CAPN7: variants seen among roughly 807,000 people sequenced by gnomAD.
CAPN7 encodes the protein calpain 7.
A neutral mutation model predicts 115.2 loss-of-function variants in CAPN7; 72 were observed. The ratio of observed to expected loss-of-function variants is 0.63; its 90% CI spans 0.52 to 0.76. The LOEUF (loss-of-function observed/expected upper bound fraction) is 0.76. CAPN7 is among the 30% of genes least tolerant of loss of function. The pLI is 0.00. For missense variants in CAPN7, 905 were observed against 971.5 expected (o/e 0.93, Z 0.91); for synonymous variants, 344 against 322.3 (o/e 1.07, Z -0.72).
In CAPN7 at chr3:15,222,799, C is replaced by T. The variant is rs191082686; in HGVS notation, c.639-676C>T. Among the ~76,000 whole-genome samples, 7 of 152,222 alleles carry T rather than the reference C, an allele frequency of 4.6e-5. No individual in the cohort carries two copies. The East Asian group carries it at 9.6e-4, about 21-fold the overall frequency. The stretch of plus-strand genomic sequence containing the variant: ...TTCCAAAATAAGGCTGTACATAGTC[C>T]CAACAATCATTTCATCTATTCCTGA... On this transcript the variant is annotated intron_variant, in intron 5 of 20. Coordinates refer to ENST00000253693, the MANE Select transcript of CAPN7 (RefSeq NM_014296.3).
intron 2 of CAPN7, among the ~76,000 whole-genome samples, chr3:15,212,834 C>G (rs2045033399): frequency 6.6e-6 from 1 of 152,076 alleles, no homozygotes; most frequent in East Asian, 1.9e-4. Context: ...TGTAGGGATT[C>G]TTTTTAACCC....
chr3:15,234,965 T>G, intron 11 of CAPN7, 60 bp from the exon 12 acceptor site: 3 of 1,485,948 alleles, frequency 2.0e-6, no homozygotes, highest in Non-Finnish European at 2.7e-6. Flanking sequence ...GATAAAATGG[T>G]GTGATCTTAG....
intron 1 of CAPN7, among the ~76,000 whole-genome samples, chr3:15,207,338 A>G (rs930759617): frequency 1.3e-5 from 2 of 152,244 alleles, no homozygotes; most frequent in Non-Finnish European, 2.9e-5. Flanking sequence ...ACTTACCCAC[A>G]AAAGGAGCTT....
intron 4 of CAPN7, among the ~76,000 whole-genome samples, chr3:15,218,824 C>G (rs1693793919): frequency 6.6e-6 from 1 of 152,198 alleles, no homozygotes; most frequent in African/African-American, 2.4e-5. Flanking sequence ...TAATATCAGA[C>G]TTTCAAAGAG....
chr3:15,234,746 C>A (rs563352135), intron 11 of CAPN7, among the ~76,000 whole-genome samples: 3 of 152,094 alleles, frequency 2.0e-5, no homozygotes, highest in Non-Finnish European at 2.9e-5. Context: ...TGGTATTTCA[C>A]GTCTTTATTT....
Position 15,247,398 on chromosome 3 carries a change from C to T in CAPN7, c.2145C>T (p.Pro715=), listed in dbSNP as rs1465457980. The change falls in exon 19 of 21, where the codon CCC becomes CCT. Residue 715 remains proline, a synonymous_variant. Transcript: ENST00000253693. The part of the protein sequence containing the change: ...GNFQETHKNN[P]IYQFHIEKTG... ...TCCAAGAGACTCACAAAAATAACCC[C>T]ATCTACCAATTCCATATAGAAAAGA... 2 of 1,611,690 alleles carry T rather than the reference C, an allele frequency of 1.2e-6. No individual in the cohort carries two copies. The highest frequency in any genetic ancestry group is 1.1e-5 in the South Asian group (1 of 90,828).
At position 15,227,963 on chromosome 3, in the gene CAPN7, C is replaced by G; in HGVS notation, c.850C>G (p.Gln284Glu). 7.0e-7 allele frequency: 1 copy of G among 1,436,354 alleles called. No individual in the cohort carries two copies. The highest frequency in any genetic ancestry group is 9.2e-7 in the Non-Finnish European group (1 of 1,090,446). 89.0% of individuals were successfully genotyped at this position (1,436,354 alleles called of 1,614,324 possible). A position where few individuals can be genotyped will look rare whatever the true frequency, so the allele number is the denominator to read the frequency against. ...IYTVSSFSIK[Q>E]TIVSDCSFVA... ...TACTGTGTCCAGTTTTAGCATAAAG[C>G]AGGTGAGCATTTATTTTGTATGATT... is the stretch of plus-strand genomic sequence containing the variant. The change falls in exon 7 of 21, where the codon CAG becomes GAG. Residue 284 changes from glutamine to glutamate, a missense_variant and splice_region_variant. Gln to Glu is a conservative substitution (Grantham distance 29, BLOSUM62 2). Transcript: ENST00000253693.
At position 15,206,503 on chromosome 3, in the gene CAPN7, C is replaced by T. The variant is rs989768901; in HGVS notation, c.8C>T (p.Ala3Val). ...GCGCGGGGCCACTGCGCCATGGACG[C>T]CACAGCACTGGAGCGGGACGCTGTG... MD[A>V]TALERDAVQF... The change falls in exon 1 of 21, where the codon GCC becomes GTC. Residue 3 changes from alanine to valine, a missense_variant. By Grantham distance (64) the Ala-to-Val change is moderately conservative. Transcript: ENST00000253693. 2.6e-6 allele frequency: 4 copies of T among 1,549,472 alleles called. No homozygotes were observed. Among genetic ancestry groups the T allele is most frequent in the Non-Finnish European group, 3.5e-6 (4 of 1,147,190 alleles).
At chr3:15,246,866 A>G (rs1695695063) in intron 18 of CAPN7, 72 bp downstream of exon 18, 1 of 1,172,630 alleles carries the variant, frequency 8.5e-7, no homozygotes, top group East Asian at 2.4e-5. Context: ...CATTTCTCTC[A>G]TTTTATTGTT....
chr3:15,226,831 T>C (rs990817729), intron 6 of CAPN7, among the ~76,000 whole-genome samples: 1 of 152,002 alleles, frequency 6.6e-6, no homozygotes, highest in African/African-American at 2.4e-5. Flanking sequence ...TCCTCTCTTC[T>C]CCCAGTATCT....
Position 15,241,459 on chromosome 3 carries a change from G to A in CAPN7, c.1659G>A (p.Trp553Ter). 6.2e-7 allele frequency: 1 copy of A among 1,613,404 alleles called. No individual in the cohort carries two copies. The highest frequency in any genetic ancestry group is 2.2e-5 in the East Asian group (1 of 44,864). Residue 553 changes from tryptophan (W) to a stop codon, truncating the protein, a stop_gained, in exon 15 of 21, where the codon TGG becomes TGA. Transcript: ENST00000253693. LOFTEE classifies it high-confidence loss of function. ...FKESTCIHST[W>*]DAKQGPVKDA... ...TGTTGACTTTATCTTTTAGTACTTG[G>A]GATGCTAAGCAAGGACCTGTGAAAG...
intron 12 of CAPN7, among the ~76,000 whole-genome samples, chr3:15,240,068 A>G (rs1317610216): frequency 6.6e-6 from 1 of 152,212 alleles, no homozygotes; most frequent in Non-Finnish European, 1.5e-5. Flanking sequence ...AAAGGCAGAA[A>G]ATACTTCATG....
intron 12 of CAPN7, 114 bp downstream of exon 12, chr3:15,235,259 A>G (rs953290789): frequency 4.3e-6 from 4 of 921,026 alleles, no homozygotes; most frequent in African/African-American, 1.7e-5. Flanking sequence ...AGTGGAGTTT[A>G]TAAACCATTT....
At chr3:15,243,253 G>A (rs1241331886) in intron 16 of CAPN7, among the ~76,000 whole-genome samples, 7 of 152,188 alleles carry the variant, frequency 4.6e-5, no homozygotes, top group African/African-American at 9.7e-5. Flanking sequence ...ATCAAAAGAG[G>A]TCAGAAAGAT....
intron 19 of CAPN7, among the ~76,000 whole-genome samples, chr3:15,247,796 A>C (rs1407074259): frequency 1.3e-5 from 2 of 152,216 alleles, no homozygotes; most frequent in African/African-American, 4.8e-5. Flanking sequence ...AGCATATTAA[A>C]ATGTTTGTAA....
intron 4 of CAPN7, among the ~76,000 whole-genome samples, chr3:15,219,753 C>G (rs1693854263): frequency 2.0e-5 from 3 of 152,210 alleles, no homozygotes; most frequent in African/African-American, 7.2e-5. Flanking sequence ...TTAAGAACTT[C>G]TATTTTTTAG....
chr3:15,228,859 T>C, intron 7 of CAPN7, 115 bp from the exon 8 acceptor site: 1 of 745,936 alleles, frequency 1.3e-6, no homozygotes, highest in East Asian at 2.7e-5. Flanking sequence ...AAAATAGAAG[T>C]TTTAAGAAAA....
At chr3:15,213,942 C>T (rs937020044) in intron 2 of CAPN7, among the ~76,000 whole-genome samples, 5 of 149,968 alleles carry the variant, frequency 3.3e-5, no homozygotes, top group Middle Eastern at 3.4e-3. Flanking sequence ...TGCAGTGGCG[C>T]GATCTCAGCT....
At chr3:15,237,123 A>AT in intron 12 of CAPN7, among the ~76,000 whole-genome samples, 1 of 152,170 alleles carries the variant, frequency 6.6e-6, no homozygotes, top group East Asian at 1.9e-4. Flanking sequence ...GCTTACTGTA[A>AT]TTTTTTACTT....
Sources: gnomAD v4.1 joint callset for allele counts (sites outside exome capture counted in the v4.1 genomes callset) on GRCh38, gnomAD v4.1.1 for gene constraint, MANE v1.5 for transcripts, NCBI Gene and HGNC (gene_info 2026-07-23, HGNC 2026-07-21) for gene names.